The following TRRAP variants were observed in gnomAD, a reference collection of about 807,000 sequenced individuals.
TRRAP encodes the protein transformation/transcription domain-associated protein.
In TRRAP, 41 loss-of-function variants were observed where a neutral mutation model predicts 438.8. The observed-to-expected ratio is 0.09, with a 90% CI of 0.07 to 0.12. The LOEUF is 0.12. TRRAP is among the 10% of genes least tolerant of loss of function. TRRAP has a pLI of 1.00. For missense variants in TRRAP, 3,122 were observed against 5,055.1 expected (o/e 0.62, Z 11.60); for synonymous variants, 1,994 against 1,962.9 (o/e 1.02, Z -0.42).
chr7:98,881,719 G>A, intron 2 of TRRAP: 1 of 444,024 alleles, frequency 2.3e-6, no homozygotes, highest in South Asian at 4.3e-5. Flanking sequence ...GAGTAATACT[G>A]GCTGGAGCCC....
intron 44 of TRRAP, among the ~76,000 whole-genome samples, chr7:98,958,825 T>C (rs1584361226): frequency 6.6e-6 from 1 of 152,192 alleles, no homozygotes; most frequent in Admixed American, 6.5e-5. Flanking sequence ...TTTAGCAGTT[T>C]TAGTGCTTTG....
intron 3 of TRRAP, among the ~76,000 whole-genome samples, chr7:98,886,950 C>T (rs1795743911): frequency 6.6e-6 from 1 of 152,074 alleles, no homozygotes; most frequent in African/African-American, 2.4e-5. Flanking sequence ...GAGTATAGTA[C>T]CTATTCACAG....
intron 52 of TRRAP, among the ~76,000 whole-genome samples, chr7:98,971,104 C>T (rs1270742696): frequency 6.6e-6 from 1 of 152,104 alleles, no homozygotes; most frequent in Non-Finnish European, 1.5e-5. Context: ...GGTGGTGCGT[C>T]CCCTCTTCCA....
intron 27 of TRRAP, 94 bp downstream of exon 27, chr7:98,933,496 A>G: frequency 6.7e-7 from 1 of 1,492,218 alleles, no homozygotes; most frequent in South Asian, 1.4e-5. Flanking sequence ...CAGCATTCAG[A>G]GAAGGCTCGG....
At chr7:98,916,844 CTG>C (rs1187291387) in intron 19 of TRRAP, among the ~76,000 whole-genome samples, 1 of 152,166 alleles carries the variant, frequency 6.6e-6, no homozygotes, top group Admixed American at 6.5e-5. Flanking sequence ...GAGGCCATCC[CTG>C]ATGGCTTCTC....
rs780719851 is a variant in TRRAP at position 98,976,920 on chromosome 7, CCTTA to C, written c.8248-15_8248-12del. Reference sequence around the variant, plus strand: ...AGTCTCTGTCTCAAGCACTCAGGAACCTTACTTTGTGTTTTCAGGAGATACTGGA... The same window carrying C: ...AGTCTCTGTCTCAAGCACTCAGGAACCTTTGTGTTTTCAGGAGATACTGGA... On this transcript the variant is annotated splice_polypyrimidine_tract_variant and intron_variant, in intron 55 of 72. Coordinates refer to ENST00000456197, the MANE Select transcript of TRRAP (RefSeq NM_001375524.1). This position sits in a 1 kb window ranked among gnomAD's most constrained non-coding sequence, Gnocchi z 4.6. 4 of 1,613,712 alleles carry C rather than the reference CCTTA, an allele frequency of 2.5e-6. No homozygotes were observed. The highest frequency in any genetic ancestry group is 2.2e-5 in the East Asian group (1 of 44,890).
At chr7:98,932,261 C>T (rs1790356846) in intron 26 of TRRAP, among the ~76,000 whole-genome samples, 3 of 151,846 alleles carry the variant, frequency 2.0e-5, no homozygotes, top group African/African-American at 7.3e-5. Context: ...CTACAGGTGC[C>T]CACCACCACA....
chr7:98,950,760 T>A, intron 38 of TRRAP, 116 bp from the exon 39 acceptor site: 1 of 1,288,260 alleles, frequency 7.8e-7, no homozygotes, highest in South Asian at 2.1e-5. Context: ...AGTCACACCC[T>A]GGGTTGAGTT....
In TRRAP at chr7:98,964,811, T is replaced by G. The variant is rs755232974; in HGVS notation, c.6976+36T>G. 7 of 1,594,256 alleles carry G rather than the reference T, an allele frequency of 4.4e-6. No homozygotes were observed. In the South Asian group the frequency reaches 6.8e-5, roughly 16 times the overall value. ...GGCCACCGGGGGCCTTTCCTCAGAC[T>G]CTGTTGAACAGAGAACAGACTCTGT... is the stretch of plus-strand genomic sequence containing the variant. On this transcript the variant is annotated intron_variant, in intron 48 of 72. Transcript: ENST00000456197.
Position 98,915,907 on chromosome 7 carries a change from G to T in TRRAP, c.2365+19G>T, listed in dbSNP as rs782669353. On this transcript the variant is annotated intron_variant, in intron 19 of 72. Transcript: ENST00000456197. ...CTGCAAGGTCAGAGCAGTGACTTTGGTTGCCTTTTAGTCTTGTGTGTCATG... is the reference window on the plus strand; with the variant it reads ...CTGCAAGGTCAGAGCAGTGACTTTGTTTGCCTTTTAGTCTTGTGTGTCATG... 106 of 1,613,580 alleles carry T rather than the reference G, an allele frequency of 6.6e-5. No individual in the cohort carries two copies. The highest frequency in any genetic ancestry group is 8.6e-5 in the Non-Finnish European group (102 of 1,179,770).
chr7:98,969,300 C>T (rs1244594424), intron 51 of TRRAP, among the ~76,000 whole-genome samples: 1 of 152,228 alleles, frequency 6.6e-6, no homozygotes, highest in African/African-American at 2.4e-5. Flanking sequence ...CCCATCTCAT[C>T]CCTCTCCCTC....
At chr7:99,006,240 C>G (rs1481684649) in intron 69 of TRRAP, among the ~76,000 whole-genome samples, 1 of 152,188 alleles carries the variant, frequency 6.6e-6, no homozygotes, top group Non-Finnish European at 1.5e-5. Context: ...TCCCTGAAGT[C>G]GGGAGCCCGC....
chr7:98,976,347 C>A lies in TRRAP; in HGVS notation c.7959+79C>A. On this transcript the variant is annotated intron_variant, in intron 54 of 72. Coordinates refer to ENST00000456197, the MANE Select transcript of TRRAP (RefSeq NM_001375524.1). The surrounding 1 kb of genome is among the most constrained non-coding windows in gnomAD (Gnocchi z 4.6). ...AAGTATTCATAAAAGAACACAGTCT[C>A]GAACAAGTTTCAGAAAATGAGGGAA... 6.3e-7 allele frequency: 1 copy of A among 1,584,574 alleles called. No individual in the cohort carries two copies. Among genetic ancestry groups the A allele is most frequent in the South Asian group, 1.1e-5 (1 of 88,116 alleles).
intron 11 of TRRAP, among the ~76,000 whole-genome samples, chr7:98,901,937 C>T (rs571427903): frequency 3.3e-5 from 5 of 152,294 alleles, no homozygotes; most frequent in African/African-American, 7.2e-5. Context: ...CAGATTTGTA[C>T]CATTACCACC....
chr7:98,966,040 T>G, intron 49 of TRRAP, 145 bp downstream of exon 49: 3 of 1,001,698 alleles, frequency 3.0e-6, no homozygotes, highest in Non-Finnish European at 2.9e-6. Flanking sequence ...TTAAGATGGA[T>G]TTTTGTCTGT....
Position 98,958,079 on chromosome 7 carries a change from C to G in TRRAP, c.6330C>G (p.Arg2110=), listed in dbSNP as rs782000637. The change falls in exon 44 of 73, where the codon CGC becomes CGG. Residue 2110 remains arginine (R), a synonymous_variant. Coordinates refer to ENST00000456197, the MANE Select transcript of TRRAP (RefSeq NM_001375524.1). ...HTDTVVNFLI[R]VACQVNDNTN... is the part of the protein sequence containing the mutation. Reference sequence around the variant, plus strand: ...ACACTGTGGTGAACTTCCTTATCCGCGTGGCCTGTCAGGTACGGGATCCAA... The same window carrying G: ...ACACTGTGGTGAACTTCCTTATCCGGGTGGCCTGTCAGGTACGGGATCCAA... The G allele has an allele frequency of 1.9e-6, 3 of 1,614,018 alleles. No homozygotes were observed. The Admixed American group carries it at 5.0e-5, about 27-fold the overall frequency.
intron 3 of TRRAP, among the ~76,000 whole-genome samples, chr7:98,884,650 CTG>C (rs1307235711): frequency 6.6e-6 from 1 of 152,208 alleles, no homozygotes; most frequent in Non-Finnish European, 1.5e-5. Context: ...TTCCCTTGCT[CTG>C]TGGTTTGCTT....
chr7:98,967,786 C>A, intron 51 of TRRAP, 88 bp downstream of exon 51: 1 of 1,174,784 alleles, frequency 8.5e-7, no homozygotes, highest in Non-Finnish European at 1.2e-6. Context: ...TTCACACACA[C>A]TGAGATGAAT....
At position 98,911,059 on chromosome 7, in the gene TRRAP, T is replaced by C. The variant is rs782800308; in HGVS notation, c.1813-18T>C. On this transcript the variant is annotated intron_variant, in intron 16 of 72. Transcript: ENST00000456197. Reference sequence around the variant, plus strand: ...TTCAGTTTTAATGCCTGTGGGCGGCTTTTTTCCCCTGTATTAGGTCCAGAT... The same window carrying C: ...TTCAGTTTTAATGCCTGTGGGCGGCCTTTTTCCCCTGTATTAGGTCCAGAT... The C allele has an allele frequency of 1.9e-6, 3 of 1,601,698 alleles. No homozygotes were observed. Among genetic ancestry groups the C allele is most frequent in the East Asian group, 2.2e-5 (1 of 44,654 alleles).
Sources: allele counts gnomAD v4.1 joint callset (sites outside exome capture counted in the v4.1 genomes callset), GRCh38; gene constraint gnomAD v4.1.1; non-coding constraint Gnocchi (gnomAD v3.1); transcripts MANE v1.5; gene names NCBI Gene and HGNC (gene_info 2026-07-23, HGNC 2026-07-21).